Variants in MAP3K13 observed in about 807,000 individuals in gnomAD.
MAP3K13 encodes the protein mitogen-activated protein kinase kinase kinase 13, also known as leucine zipper-bearing kinase.
MAP3K13 carries 52 observed loss-of-function variants against 104.0 expected under a neutral mutation model. The ratio of observed to expected loss-of-function variants is 0.50; its 90% CI spans 0.40 to 0.63. The LOEUF is 0.63. Ranked by LOEUF, MAP3K13 falls within the 20% of genes least tolerant of loss-of-function variation. The pLI is 0.00. For synonymous variants in MAP3K13, 394 were observed against 442.2 expected (o/e 0.89, Z 1.37); for missense variants, 914 against 1,218.5 (o/e 0.75, Z 3.72).
In MAP3K13 at chr3:185,292,741, A is replaced by C; in HGVS notation, c.-86+7098A>C. On this transcript the variant is annotated intron_variant, in intron 2 of 14. Coordinates refer to the MAP3K13 transcript ENST00000424227. ...AGGTTGGATACATGGCAACAAGGCT[A>C]TGTTAAATTTTTTTTCTCTGAGTTG... 3.0e-6 allele frequency: 3 copies of C among 985,388 alleles called. No individual in the cohort carries two copies. In the South Asian group the frequency reaches 1.4e-4, roughly 46 times the overall value. 61.0% of individuals were successfully genotyped at this position (985,388 alleles called of 1,614,324 possible).
intron 2 of MAP3K13, among the ~76,000 whole-genome samples, chr3:185,431,413 T>A (rs566096865): frequency 6.6e-6 from 1 of 152,382 alleles, no homozygotes; most frequent in South Asian, 2.1e-4. Flanking sequence ...CATACTGCAA[T>A]GACCATTTGT....
chr3:185,380,947 TGTTTTTTTTTTG>T (rs1346654865), intron 1 of MAP3K13, among the ~76,000 whole-genome samples: 1 of 144,498 alleles, frequency 6.9e-6, no homozygotes, highest in Non-Finnish European at 1.5e-5. Context: ...AAGGTTTTTT[TGTTTTTTTTTTG>T]TTTTTTTTTG....
At chr3:185,383,017 C>T (rs1438017877) in intron 1 of MAP3K13, among the ~76,000 whole-genome samples, 2 of 145,342 alleles carry the variant, frequency 1.4e-5, no homozygotes, top group African/African-American at 5.1e-5. Context: ...CCCCCTCCCC[C>T]CAACCCACAA....
chr3:185,388,543 C>G (rs1237720515), intron 1 of MAP3K13, among the ~76,000 whole-genome samples: 1 of 151,962 alleles, frequency 6.6e-6, no homozygotes, highest in African/African-American at 2.4e-5. Flanking sequence ...AGAACACAAA[C>G]AAATGGACAG....
chr3:185,389,654 A>G (rs1365727378), intron 1 of MAP3K13, among the ~76,000 whole-genome samples: 1 of 151,908 alleles, frequency 6.6e-6, no homozygotes, highest in Non-Finnish European at 1.5e-5. Context: ...CATACGCCGT[A>G]TTTTAGTCGG....
At chr3:185,387,566 A>G (rs1711769174) in intron 1 of MAP3K13, among the ~76,000 whole-genome samples, 1 of 152,166 alleles carries the variant, frequency 6.6e-6, no homozygotes, top group East Asian at 1.9e-4. Flanking sequence ...ATGGACTAAG[A>G]CACCATATGA....
rs574364273 is a variant in MAP3K13 at position 185,392,008 on chromosome 3, C to T, written c.-86+28640C>T. On this transcript the variant is annotated intron_variant, in intron 1 of 13. Coordinates refer to ENST00000265026, the MANE Select transcript of MAP3K13 (RefSeq NM_004721.5). ...TGAAGTTTCTATTATTATCCTGGGACCATATAGAGAATTCGACTTTCAGAA... is the reference window on the plus strand; with the variant it reads ...TGAAGTTTCTATTATTATCCTGGGATCATATAGAGAATTCGACTTTCAGAA... 2.6e-5 allele frequency among the ~76,000 whole-genome samples: 4 copies of T among 152,128 alleles called. No homozygotes were observed. In the South Asian group the frequency reaches 8.3e-4, roughly 32 times the overall value.
At chr3:185,426,445 G>C (rs1034777135) in intron 1 of MAP3K13, among the ~76,000 whole-genome samples, 3 of 152,068 alleles carry the variant, frequency 2.0e-5, no homozygotes, top group African/African-American at 4.8e-5. Context: ...TGAATAAAAG[G>C]CTTAAAATTT....
chr3:185,452,584 C>T (rs910958163), intron 7 of MAP3K13, among the ~76,000 whole-genome samples: 1 of 152,122 alleles, frequency 6.6e-6, no homozygotes, highest in South Asian at 2.1e-4. Flanking sequence ...GTGTATGTAG[C>T]TCATGATTCT....
intron 2 of MAP3K13, among the ~76,000 whole-genome samples, chr3:185,354,953 G>C (rs1421677408): frequency 3.9e-5 from 6 of 152,138 alleles, no homozygotes; most frequent in African/African-American, 1.4e-4. Flanking sequence ...AGTTTCAATA[G>C]ATAACAGAGT....
intron 1 of MAP3K13, among the ~76,000 whole-genome samples, chr3:185,408,145 A>G (rs4686608): frequency 0.87 from 131,804 of 152,114 alleles, 57,444 homozygotes; most frequent in African/African-American, 0.96. Context: ...ATAGTTTTAC[A>G]GGAAAAAAAT....
chr3:185,457,273 A>C (rs1172693786), intron 7 of MAP3K13, among the ~76,000 whole-genome samples: 5 of 152,240 alleles, frequency 3.3e-5, no homozygotes, highest in Non-Finnish European at 7.3e-5. Flanking sequence ...AGAGGAGGTC[A>C]GAATAGGAGA....
At chr3:185,428,426 T>A in intron 1 of MAP3K13, 71 bp from the exon 2 acceptor site, 4 of 996,210 alleles carry the variant, frequency 4.0e-6, no homozygotes, top group Non-Finnish European at 4.2e-6. Context: ...TTTTTTTTAA[T>A]GCAAACAGAA....
At chr3:185,455,799 G>GATATATATATGAC (rs1376292379) in intron 7 of MAP3K13, among the ~76,000 whole-genome samples, 5 of 52,444 alleles carry the variant, frequency 9.5e-5, no homozygotes, top group Admixed American at 1.9e-4. Context: ...ATATATATGA[G>GATATATATATGAC]ATATATGAGA....
At chr3:185,291,807 A>G (rs1220164644) in intron 2 of MAP3K13, 143 of 1,324,730 alleles carry the variant, frequency 1.1e-4, no homozygotes, top group Non-Finnish European at 1.3e-4. Context: ...TCCATTTTAT[A>G]TCCCTTCCTC....
rs563211442 is a variant in MAP3K13 at position 185,429,975 on chromosome 3, G to A, written c.475+919G>A. 1.4e-4 allele frequency among the ~76,000 whole-genome samples: 21 copies of A among 152,194 alleles called. No homozygotes were observed. The South Asian group carries it at 3.9e-3, about 29-fold the overall frequency. Reference sequence around the variant, plus strand: ...AGCACTTTGGGAGGCTAAGGGGAGCGGATCACCTGAGGTCAGGAGTTCAAG... The same window carrying A: ...AGCACTTTGGGAGGCTAAGGGGAGCAGATCACCTGAGGTCAGGAGTTCAAG... On this transcript the variant is annotated intron_variant, in intron 2 of 13. Transcript: ENST00000265026.
At chr3:185,377,107 A>G (rs910536580) in intron 1 of MAP3K13, among the ~76,000 whole-genome samples, 2 of 152,180 alleles carry the variant, frequency 1.3e-5, no homozygotes, top group South Asian at 4.1e-4. Flanking sequence ...CATGGGGTGC[A>G]TAGGCAAGAC....
At chr3:185,445,917 C>T (rs1354416465) in intron 4 of MAP3K13, among the ~76,000 whole-genome samples, 4 of 152,228 alleles carry the variant, frequency 2.6e-5, no homozygotes, top group African/African-American at 9.7e-5. Flanking sequence ...ACTGCCTACT[C>T]TCACTTTCCT....
At position 185,418,461 on chromosome 3, in the gene MAP3K13, T is replaced by C. The variant is rs1577533755; in HGVS notation, c.-85-10036T>C. ...CTCTACGATGCCAACGGCGCCAGGT[T>C]TTGGTTGGTGCAAACCTTCGGCCTC... On this transcript the variant is annotated intron_variant, in intron 1 of 13. Coordinates refer to ENST00000265026, the MANE Select transcript of MAP3K13 (RefSeq NM_004721.5). The surrounding 1 kb of genome is among the most constrained non-coding windows in gnomAD (Gnocchi z 4.5). The C allele has an allele frequency of 6.2e-7, 1 of 1,611,138 alleles. No homozygotes were observed. Among genetic ancestry groups the C allele is most frequent in the Non-Finnish European group, 8.5e-7 (1 of 1,179,116 alleles).
Sources: gnomAD v4.1 joint callset for allele counts (sites outside exome capture counted in the v4.1 genomes callset) on GRCh38, gnomAD v4.1.1 for gene constraint, Gnocchi (gnomAD v3.1) non-coding constraint, MANE v1.5 for transcripts, NCBI Gene and HGNC (gene_info 2026-07-23, HGNC 2026-07-21) for gene names.